LRRC38: variants seen among roughly 807,000 people sequenced by gnomAD.
The protein encoded by LRRC38 is leucine-rich repeat-containing protein 38.
In LRRC38, 5 loss-of-function variants were observed where a neutral mutation model predicts 16.4. That is an observed-to-expected ratio of 0.31 (90% CI 0.16 to 0.64). The LOEUF (loss-of-function observed/expected upper bound fraction) is 0.64, where lower values mean the gene tolerates loss of function less well. Ranked by LOEUF, LRRC38 falls within the 30% of genes least tolerant of loss-of-function variation. LRRC38 has a pLI of 0.80. For synonymous variants in LRRC38, 191 were observed against 190.2 expected, an observed-to-expected ratio of 1.00 and a Z score of -0.04; for missense variants, 341 against 401.8, an observed-to-expected ratio of 0.85 and a Z score of 1.29.
At chr1:13,491,806 G>C (rs1639015678) in intron 1 of LRRC38, among the ~76,000 whole-genome samples, 2 of 152,134 alleles carry the variant, frequency 1.3e-5, no homozygotes. Context: ...CTCCAGAGTA[G>C]CTGGGATTAC....
Position 13,475,884 on chromosome 1 carries a change from T to G in LRRC38, c.847A>C (p.Lys283Gln). 1 of 1,550,516 alleles carries G rather than the reference T, an allele frequency of 6.4e-7. No homozygotes were observed. Among genetic ancestry groups the G allele is most frequent in the Non-Finnish European group, 8.7e-7 (1 of 1,146,996 alleles). Residue 283 changes from lysine (K) to glutamine (Q), a missense_variant, in exon 2 of 2, where the codon AAA becomes CAA. Coordinates refer to ENST00000376085, the MANE Select transcript of LRRC38 (RefSeq NM_001010847.2). The surrounding 1 kb of genome is among the most constrained non-coding windows in gnomAD (Gnocchi z 4.3). ...VQCLQRCAPN[K>Q]DAEDEDEDKD... ...TCCTCGTCTTCATCCTCCGCATCTT[T>G]GTTGGGTGCGCACCTCTGGAGGCAC...
chr1:13,498,239 C>T (rs1205329651), intron 1 of LRRC38, among the ~76,000 whole-genome samples: 2 of 123,522 alleles, frequency 1.6e-5, no homozygotes, highest in Non-Finnish European at 3.4e-5. Context: ...AAAAACAAAA[C>T]AAAACAAAAC....
Position 13,513,555 on chromosome 1 carries a change from G to A in LRRC38, c.39C>T (p.Leu13=). The change falls in exon 1 of 2, where the codon CTC becomes CTT. Residue 13 remains leucine (L), a synonymous_variant. Transcript: ENST00000376085. Reference sequence around the variant, plus strand: ...GCAGCAGCAGAAGGCTGCAGAGCCCGAGCGCCGCGGCGGCGCAGGCTGGGG... The same window carrying A: ...GCAGCAGCAGAAGGCTGCAGAGCCCAAGCGCCGCGGCGGCGCAGGCTGGGG... The part of the protein sequence containing the change: ...PRAPACAAAA[L]GLCSLLLLLA... 8.1e-7 allele frequency: 1 copy of A among 1,238,036 alleles called. No homozygotes were observed. Among genetic ancestry groups the A allele is most frequent in the Non-Finnish European group, 1.0e-6 (1 of 992,346 alleles). The allele number at this position is 1,238,036 out of a possible 1,614,324, so 76.7% of individuals were successfully genotyped here.
rs921791075 is a variant in LRRC38, at chr1:13,487,987, A to G, written c.632-11888T>C. Among the ~76,000 whole-genome samples, 10 of 152,044 alleles carry G rather than the reference A, an allele frequency of 6.6e-5. No homozygotes were observed. The highest frequency in any genetic ancestry group is 2.9e-5 in the Non-Finnish European group (2 of 68,012). On this transcript the variant is annotated intron_variant, in intron 1 of 1. Transcript: ENST00000376085. This position sits in a 1 kb window ranked among gnomAD's most constrained non-coding sequence, Gnocchi z 4.4. ...TAATCAAAAACAAGGGAGAATTAAAAAAAAAGTTAACACTTGGCTTATACC... is the reference window on the plus strand; with the variant it reads ...TAATCAAAAACAAGGGAGAATTAAAGAAAAAGTTAACACTTGGCTTATACC...
intron 1 of LRRC38, among the ~76,000 whole-genome samples, chr1:13,483,846 G>C (rs997044159): frequency 4.0e-5 from 6 of 151,584 alleles, no homozygotes; most frequent in Admixed American, 3.3e-4. Context: ...TTCAGACTGA[G>C]CCTGCGTTTG....
intron 1 of LRRC38, among the ~76,000 whole-genome samples, chr1:13,493,555 A>G (rs1056466274): frequency 2.2e-4 from 34 of 152,290 alleles, no homozygotes; most frequent in African/African-American, 8.2e-4. Context: ...ATGTGATTAG[A>G]TAAAGGTTCT....
At chr1:13,503,265 T>C (rs34654275) in intron 1 of LRRC38, among the ~76,000 whole-genome samples, 8 of 137,498 alleles carry the variant, frequency 5.8e-5, no homozygotes, top group Non-Finnish European at 7.4e-5. Context: ...ATTTATTTTG[T>C]TTTTATTTAT....
At chr1:13,503,800 C>T (rs1021599792) in intron 1 of LRRC38, among the ~76,000 whole-genome samples, 3 of 152,188 alleles carry the variant, frequency 2.0e-5, no homozygotes, top group Non-Finnish European at 2.9e-5. Flanking sequence ...CTTGGCTGTT[C>T]GGTTTCTGTT....
chr1:13,506,460 C>CT (rs1347224394), intron 1 of LRRC38, among the ~76,000 whole-genome samples: 3 of 152,032 alleles, frequency 2.0e-5, no homozygotes, highest in Non-Finnish European at 4.4e-5. Context: ...TTTCTATTTT[C>CT]TTTTTTCTTT....
chr1:13,478,589 A>G (rs1202630479), intron 1 of LRRC38, among the ~76,000 whole-genome samples: 1 of 152,214 alleles, frequency 6.6e-6, no homozygotes, highest in Non-Finnish European at 1.5e-5. Context: ...ACTCTCAGGA[A>G]AACCTTCACC....
chr1:13,485,721 A>C (rs189261180), intron 1 of LRRC38, among the ~76,000 whole-genome samples: 40 of 152,314 alleles, frequency 2.6e-4, no homozygotes, highest in African/African-American at 8.7e-4. Flanking sequence ...TGGAGTACTC[A>C]GGGCAAAGAG....
chr1:13,486,154 G>A (rs1323675812), intron 1 of LRRC38, among the ~76,000 whole-genome samples: 1 of 152,158 alleles, frequency 6.6e-6, no homozygotes, highest in Non-Finnish European at 1.5e-5. Context: ...GGCCAGGCTG[G>A]TCTCGAACTC....
Position 13,513,525 on chromosome 1 carries a change from C to A in LRRC38, c.69G>T (p.Ala23=), listed in dbSNP as rs766436549. The A allele has an allele frequency of 7.0e-7, 1 of 1,434,744 alleles. No individual in the cohort carries two copies. The highest frequency in any genetic ancestry group is 9.1e-7 in the Non-Finnish European group (1 of 1,095,918). The allele number at this position is 1,434,744 out of a possible 1,614,324, so 88.9% of individuals were successfully genotyped here. Residue 23 remains alanine (A), a synonymous_variant, in exon 1 of 2, where the codon GCG becomes GCT. Transcript: ENST00000376085. ...LGLCSLLLLL[A]PGHACPAGCA... is the part of the protein sequence containing the mutation. ...AGCCCGCGGGGCACGCGTGCCCGGG[C>A]GCGAGCAGCAGCAGAAGGCTGCAGA...
At chr1:13,499,393 C>T (rs551815478) in intron 1 of LRRC38, among the ~76,000 whole-genome samples, 9 of 152,228 alleles carry the variant, frequency 5.9e-5, no homozygotes, top group African/African-American at 1.9e-4. Flanking sequence ...GCCACCGCAC[C>T]TGGCCAGATG....
intron 1 of LRRC38, among the ~76,000 whole-genome samples, chr1:13,501,596 T>TTTTGTTTG (rs146001643): frequency 8.5e-6 from 1 of 117,390 alleles, no homozygotes; most frequent in Non-Finnish European, 1.7e-5. Context: ...GTTTTTTGTT[T>TTTTGTTTG]TTTGTTTGTT....
At chr1:13,478,135 C>T (rs1246866357) in intron 1 of LRRC38, among the ~76,000 whole-genome samples, 2 of 152,254 alleles carry the variant, frequency 1.3e-5, no homozygotes, top group South Asian at 2.1e-4. Flanking sequence ...AAATGACGAC[C>T]ATGATTTTAC....
At chr1:13,494,650 T>A (rs1214591314) in intron 1 of LRRC38, among the ~76,000 whole-genome samples, 1 of 152,180 alleles carries the variant, frequency 6.6e-6, no homozygotes, top group Non-Finnish European at 1.5e-5. Context: ...GATGTATCTA[T>A]CCCCTTCTAA....
At chr1:13,497,777 C>T (rs1171626765) in intron 1 of LRRC38, among the ~76,000 whole-genome samples, 2 of 151,922 alleles carry the variant, frequency 1.3e-5, no homozygotes, top group African/African-American at 4.8e-5. Flanking sequence ...GCCTGACCAA[C>T]ATGGAGAAAC....
intron 1 of LRRC38, 54 bp from the exon 2 acceptor site, chr1:13,476,153 C>T (rs1268139735): frequency 1.3e-6 from 2 of 1,527,286 alleles, no homozygotes; most frequent in African/African-American, 2.8e-5. Context: ...TCAAGGTTGC[C>T]TAAAAGTTGA....
Sources: gnomAD v4.1 joint callset for allele counts (sites outside exome capture counted in the v4.1 genomes callset) on GRCh38, gnomAD v4.1.1 for gene constraint, Gnocchi (gnomAD v3.1) non-coding constraint, MANE v1.5 for transcripts, NCBI Gene and HGNC (gene_info 2026-07-23, HGNC 2026-07-21) for gene names.